The following CHRM2 variants were observed in gnomAD, a reference collection of about 807,000 sequenced individuals.
The protein encoded by CHRM2 is cholinergic receptor muscarinic 2.
A neutral mutation model predicts 25.0 loss-of-function variants in CHRM2; 8 were observed. The ratio of observed to expected loss-of-function variants is 0.32; its 90% CI spans 0.19 to 0.58. The LOEUF is 0.58. CHRM2 is among the 20% of genes least tolerant of loss of function. The pLI is 0.88. For missense variants in CHRM2, 440 were observed against 567.1 expected (o/e 0.78, Z 2.28); for synonymous variants, 202 against 205.7 (o/e 0.98, Z 0.15).
intron 2 of CHRM2, among the ~76,000 whole-genome samples, chr7:136,964,153 G>T (rs1429546813): frequency 6.6e-6 from 1 of 151,854 alleles, no homozygotes; most frequent in African/African-American, 2.4e-5. Flanking sequence ...AATTCTGACA[G>T]TAGAAAATTT....
chr7:136,905,115 A>G (rs1265352231), intron 2 of CHRM2, among the ~76,000 whole-genome samples: 1 of 151,870 alleles, frequency 6.6e-6, no homozygotes, highest in African/African-American at 2.4e-5. Context: ...CTGAAGTGCT[A>G]GATGTTTGTT....
At chr7:136,998,037 A>G (rs1803720661) in intron 3 of CHRM2, among the ~76,000 whole-genome samples, 1 of 152,212 alleles carries the variant, frequency 6.6e-6, no homozygotes, top group Non-Finnish European at 1.5e-5. Flanking sequence ...TGAAGAGAAT[A>G]TACAAATGAA....
At position 136,913,716 on chromosome 7, in the gene CHRM2, C is replaced by T. The variant is rs79765265; in HGVS notation, c.-125+44298C>T. 5.8e-3 allele frequency among the ~76,000 whole-genome samples: 886 copies of T among 151,988 alleles called. 8 individuals are homozygous for T. Among genetic ancestry groups the T allele is most frequent in the Non-Finnish European group, 0.011 (716 of 67,928 alleles). ...TACTAACTGCTTATCACTTCAATGA[C>T]ATTTGCTTTTTGAAACAATGCTGTG... On this transcript the variant is annotated intron_variant, in intron 2 of 3. Coordinates refer to ENST00000680005, the MANE Select transcript of CHRM2 (RefSeq NM_001006630.2).
intron 2 of CHRM2, among the ~76,000 whole-genome samples, chr7:136,890,112 C>A (rs1796635052): frequency 6.6e-6 from 1 of 152,172 alleles, no homozygotes; most frequent in Non-Finnish European, 1.5e-5. Flanking sequence ...GCCAAATTAT[C>A]AAGACAGCTG....
At chr7:136,893,492 C>T (rs746939926) in intron 2 of CHRM2, among the ~76,000 whole-genome samples, 1 of 152,158 alleles carries the variant, frequency 6.6e-6, no homozygotes, top group Non-Finnish European at 1.5e-5. Flanking sequence ...CTGAATCAGC[C>T]TCTGATGGTT....
At chr7:136,905,934 A>C (rs1359952513) in intron 2 of CHRM2, among the ~76,000 whole-genome samples, 2 of 151,434 alleles carry the variant, frequency 1.3e-5, no homozygotes, top group East Asian at 3.9e-4. Flanking sequence ...AAATTATCAA[A>C]GCCAAGACCA....
At chr7:136,888,891 C>CA (rs558052499) in intron 2 of CHRM2, among the ~76,000 whole-genome samples, 2 of 151,302 alleles carry the variant, frequency 1.3e-5, no homozygotes, top group Admixed American at 6.6e-5. Context: ...CTAAAAAATA[C>CA]AAAAAAATTA....
At chr7:136,892,354 C>T (rs1372309222) in intron 2 of CHRM2, among the ~76,000 whole-genome samples, 2 of 152,104 alleles carry the variant, frequency 1.3e-5, no homozygotes, top group African/African-American at 4.8e-5. Flanking sequence ...TATAATTCTT[C>T]AATGAGATTG....
intron 2 of CHRM2, among the ~76,000 whole-genome samples, chr7:136,906,738 G>A (rs1237260694): frequency 1.3e-5 from 2 of 151,690 alleles, no homozygotes; most frequent in African/African-American, 4.8e-5. Context: ...TTTAAGGTCA[G>A]TGGTCCCCAA....
chr7:137,008,154 A>G (rs1230433048), intron 3 of CHRM2, among the ~76,000 whole-genome samples: 1 of 152,114 alleles, frequency 6.6e-6, no homozygotes, highest in African/African-American at 2.4e-5. Context: ...TTAAAAATGA[A>G]TAAGCTTCAT....
At chr7:136,962,635 A>C (rs1470293481) in intron 2 of CHRM2, among the ~76,000 whole-genome samples, 2 of 152,200 alleles carry the variant, frequency 1.3e-5, no homozygotes, top group Non-Finnish European at 2.9e-5. Context: ...TGAAGGAGTA[A>C]GTTTCATTTA....
chr7:136,974,702 T>C (rs918388469), intron 2 of CHRM2, among the ~76,000 whole-genome samples: 83 of 152,316 alleles, frequency 5.4e-4, no homozygotes, highest in African/African-American at 2.0e-3. Context: ...AAGATGTCAT[T>C]GCATGAAAGT....
At chr7:136,910,809 G>A (rs1247638191) in intron 2 of CHRM2, among the ~76,000 whole-genome samples, 1 of 145,186 alleles carries the variant, frequency 6.9e-6, no homozygotes, top group Non-Finnish European at 1.5e-5. Flanking sequence ...AAGTGTGTGT[G>A]TGTGTGTGTG....
chr7:136,981,336 C>A (rs1802473792), intron 2 of CHRM2, among the ~76,000 whole-genome samples: 1 of 151,968 alleles, frequency 6.6e-6, no homozygotes. Context: ...TCTTTCTTTT[C>A]TTGTTTATTA....
chr7:136,974,466 C>T (rs939153678), intron 2 of CHRM2, among the ~76,000 whole-genome samples: 8 of 151,968 alleles, frequency 5.3e-5, no homozygotes, highest in Admixed American at 2.0e-4. Flanking sequence ...GGTCAGGGGA[C>T]GCTTTACTTG....
chr7:136,872,428 A>G (rs1310599453), intron 2 of CHRM2, among the ~76,000 whole-genome samples: 12 of 152,214 alleles, frequency 7.9e-5, no homozygotes, highest in Non-Finnish European at 7.3e-5. Flanking sequence ...TGTTGTCTTC[A>G]TGTTAAAAAA....
chr7:136,927,377 T>C (rs1052102062), intron 2 of CHRM2, among the ~76,000 whole-genome samples: 4 of 152,050 alleles, frequency 2.6e-5, no homozygotes, highest in Non-Finnish European at 5.9e-5. Flanking sequence ...ACCTCACTCC[T>C]TGTGTGTAAG....
intron 3 of CHRM2, among the ~76,000 whole-genome samples, chr7:137,012,484 T>C (rs969291444): frequency 1.9e-4 from 29 of 151,986 alleles, no homozygotes; most frequent in African/African-American, 6.8e-4. Flanking sequence ...GGCATACATA[T>C]GTAATATTAC....
At chr7:136,898,181 C>A (rs1328980295) in intron 2 of CHRM2, among the ~76,000 whole-genome samples, 1 of 152,078 alleles carries the variant, frequency 6.6e-6, no homozygotes, top group Non-Finnish European at 1.5e-5. Context: ...TTATGTATTT[C>A]TCATAGTCCA....
Sources: gnomAD v4.1 joint callset for allele counts (sites outside exome capture counted in the v4.1 genomes callset) on GRCh38, gnomAD v4.1.1 for gene constraint, MANE v1.5 for transcripts, NCBI Gene and HGNC (gene_info 2026-07-23, HGNC 2026-07-21) for gene names.